NT5DC1: variants seen among roughly 807,000 people sequenced by gnomAD.
The protein encoded by NT5DC1 is 5'-nucleotidase domain-containing protein 1.
NT5DC1 carries 42 observed loss-of-function variants against 59.4 expected under a neutral mutation model. The ratio of observed to expected loss-of-function variants is 0.71; its 90% CI spans 0.55 to 0.92. NT5DC1 has a LOEUF of 0.92. Among genes scored for constraint, NT5DC1 ranks in the 40% least tolerant of loss-of-function variants. The pLI is 0.00. For synonymous variants in NT5DC1, 172 were observed against 188.1 expected (o/e 0.91, Z 0.70); for missense variants, 501 against 537.1 (o/e 0.93, Z 0.66).
At chr6:116,154,963 AC>A (rs1780147539) in intron 6 of NT5DC1, among the ~76,000 whole-genome samples, 1 of 152,182 alleles carries the variant, frequency 6.6e-6, no homozygotes, top group Non-Finnish European at 1.5e-5. Flanking sequence ...ACCATATACA[AC>A]CACATTGTTC....
intron 6 of NT5DC1, among the ~76,000 whole-genome samples, chr6:116,167,206 A>AT (rs61348980): frequency 0.27 from 23,828 of 87,914 alleles, 4,467 homozygotes; most frequent in Middle Eastern, 0.33. Flanking sequence ...CAAATAGAAG[A>AT]TTTTTTTTTT....
intron 6 of NT5DC1, among the ~76,000 whole-genome samples, chr6:116,171,897 A>C (rs2114452955): frequency 6.6e-6 from 1 of 152,324 alleles, no homozygotes; most frequent in South Asian, 2.1e-4. Context: ...TATACAGGGA[A>C]GTTTAAGTCC....
At position 116,229,971 on chromosome 6, in the gene NT5DC1, C is replaced by T. The variant is rs185262556; in HGVS notation, c.802+6840C>T. Among the ~76,000 whole-genome samples the T allele has an allele frequency of 2.0e-5, 3 of 152,280 alleles. No homozygotes were observed. The East Asian group carries it at 5.8e-4, about 29-fold the overall frequency. On this transcript the variant is annotated intron_variant, in intron 8 of 11. Coordinates refer to ENST00000319550, the MANE Select transcript of NT5DC1 (RefSeq NM_152729.3). Reference sequence around the variant, plus strand: ...TGAGATTCTCCTTCCGCCTAGAAACCAAAAACAACCAAACATGCCGGTCAC... The same window carrying T: ...TGAGATTCTCCTTCCGCCTAGAAACTAAAAACAACCAAACATGCCGGTCAC...
At chr6:116,172,839 T>G (rs1374333755) in intron 6 of NT5DC1, among the ~76,000 whole-genome samples, 3 of 152,216 alleles carry the variant, frequency 2.0e-5, no homozygotes, top group African/African-American at 7.2e-5. Context: ...GAAAATCTAC[T>G]CTCCTTGTTT....
intron 6 of NT5DC1, chr6:116,119,730 A>C: frequency 9.2e-6 from 2 of 216,294 alleles, no homozygotes; most frequent in Non-Finnish European, 1.8e-5. Context: ...CACATAACTT[A>C]GAGCTCTATT....
chr6:116,184,852 T>C (rs990755398), intron 6 of NT5DC1, among the ~76,000 whole-genome samples: 13 of 152,064 alleles, frequency 8.5e-5, no homozygotes, highest in Admixed American at 2.6e-4. Context: ...TATTATGTTT[T>C]GTAATTTTTT....
Position 116,245,031 on chromosome 6 carries a change from A to T in NT5DC1, c.*1007A>T, listed in dbSNP as rs1310886425. 7.5e-6 allele frequency: 1 copy of T among 132,610 alleles called. No homozygotes were observed. The highest frequency in any genetic ancestry group is 7.8e-5 in the Admixed American group (1 of 12,878). The allele number at this position is 132,610 out of a possible 1,614,324, so 8.2% of individuals were successfully genotyped here. A position where few individuals can be genotyped will look rare whatever the true frequency, so the allele number is the denominator to read the frequency against. On this transcript the variant is annotated 3_prime_UTR_variant, in exon 12 of 12. Transcript: ENST00000319550. ...TCATTGGGAAGAAATTTGTAGTTAAAACTATTTAATGTAATTTGAATTTAA... is the reference window on the plus strand; with the variant it reads ...TCATTGGGAAGAAATTTGTAGTTAATACTATTTAATGTAATTTGAATTTAA...
chr6:116,108,502 A>G (rs1039110619), intron 3 of NT5DC1, 67 bp downstream of exon 3: 14 of 879,382 alleles, frequency 1.6e-5, no homozygotes, highest in Non-Finnish European at 2.5e-5. Flanking sequence ...TGAGTGGCAT[A>G]TGACCCTTAC....
intron 6 of NT5DC1, among the ~76,000 whole-genome samples, chr6:116,189,323 A>T (rs1781070056): frequency 6.6e-6 from 1 of 151,880 alleles, no homozygotes; most frequent in South Asian, 2.1e-4. Context: ...GAGGGCTAGT[A>T]AGCTCACAAC....
chr6:116,147,700 G>A (rs1779933535), intron 6 of NT5DC1, among the ~76,000 whole-genome samples: 1 of 152,126 alleles, frequency 6.6e-6, no homozygotes, highest in Non-Finnish European at 1.5e-5. Context: ...CTTTAAAAAT[G>A]TTAAATGCAC....
intron 1 of NT5DC1, among the ~76,000 whole-genome samples, chr6:116,102,787 A>G (rs1778686616): frequency 6.6e-6 from 1 of 152,244 alleles, no homozygotes; most frequent in Admixed American, 6.5e-5. Context: ...ACAGAGATCA[A>G]CACGCAGGCC....
chr6:116,109,970 G>C (rs1000975630), intron 3 of NT5DC1, among the ~76,000 whole-genome samples: 20 of 152,106 alleles, frequency 1.3e-4, no homozygotes, highest in African/African-American at 4.6e-4. Flanking sequence ...GTGGTTCCTT[G>C]AAATCATGGA....
At chr6:116,124,267 A>G (rs142818012) in intron 6 of NT5DC1, among the ~76,000 whole-genome samples, 13 of 152,212 alleles carry the variant, frequency 8.5e-5, no homozygotes, top group African/African-American at 2.9e-4. Context: ...CCTTAGCTTT[A>G]TTTACAGTAT....
chr6:116,132,434 A>T (rs1281195263), intron 6 of NT5DC1, among the ~76,000 whole-genome samples: 1 of 148,864 alleles, frequency 6.7e-6, no homozygotes, highest in Non-Finnish European at 1.5e-5. Flanking sequence ...GTTTTCACAT[A>T]TTTTTCCCAG....
chr6:116,179,952 T>C (rs1242073681), intron 6 of NT5DC1, among the ~76,000 whole-genome samples: 1 of 152,146 alleles, frequency 6.6e-6, no homozygotes, highest in African/African-American at 2.4e-5. Context: ...CAGAACAGTG[T>C]AGATAATGTG....
chr6:116,180,531 T>G (rs1053408269), intron 6 of NT5DC1, among the ~76,000 whole-genome samples: 1 of 152,108 alleles, frequency 6.6e-6, no homozygotes, highest in Non-Finnish European at 1.5e-5. Flanking sequence ...ACACCTGAAC[T>G]TATTGCTTAA....
intron 6 of NT5DC1, among the ~76,000 whole-genome samples, chr6:116,152,771 T>C (rs973490520): frequency 8.5e-5 from 13 of 152,210 alleles, no homozygotes; most frequent in Non-Finnish European, 1.9e-4. Flanking sequence ...AACTCTAATA[T>C]AGTTCTTGGC....
chr6:116,184,390 G>T (rs1362375274), intron 6 of NT5DC1, among the ~76,000 whole-genome samples: 2 of 151,964 alleles, frequency 1.3e-5, no homozygotes, highest in African/African-American at 2.4e-5. Context: ...CCTGGTTTTG[G>T]TATTAGGGTG....
At chr6:116,143,776 T>C (rs1779822875) in intron 6 of NT5DC1, among the ~76,000 whole-genome samples, 1 of 152,212 alleles carries the variant, frequency 6.6e-6, no homozygotes, top group African/African-American at 2.4e-5. Flanking sequence ...GTCAACAAAA[T>C]TAGCTATAGT....
Sources: allele counts gnomAD v4.1 joint callset (sites outside exome capture counted in the v4.1 genomes callset), GRCh38; gene constraint gnomAD v4.1.1; transcripts MANE v1.5; gene names NCBI Gene and HGNC (gene_info 2026-07-23, HGNC 2026-07-21).